Variants in NELL1 observed in about 807,000 individuals in gnomAD.
NELL1 encodes the protein protein kinase C-binding protein NELL1.
A neutral mutation model predicts 107.4 loss-of-function variants in NELL1; 76 were observed. The ratio of observed to expected loss-of-function variants is 0.71; its 90% CI spans 0.59 to 0.86. NELL1 has a LOEUF of 0.86. Among genes scored for constraint, NELL1 ranks in the 40% least tolerant of loss-of-function variants. The pLI, the probability that NELL1 is intolerant of heterozygous loss-of-function variation, is 0.00. For synonymous variants in NELL1, 353 were observed against 341.2 expected, an observed-to-expected ratio of 1.03 and a Z score of -0.38; for missense variants, 1,024 against 1,005.5, an observed-to-expected ratio of 1.02 and a Z score of -0.25.
At position 20,683,014 on chromosome 11, in the gene NELL1, C is replaced by T. The variant is rs538110330; in HGVS notation, c.184+4954C>T. Among the ~76,000 whole-genome samples, 32 of 152,124 alleles carry T rather than the reference C, an allele frequency of 2.1e-4. No individual in the cohort carries two copies. The South Asian group carries it at 6.6e-3, about 32-fold the overall frequency. On this transcript the variant is annotated intron_variant, in intron 2 of 19. Coordinates refer to ENST00000357134, the MANE Select transcript of NELL1 (RefSeq NM_006157.5). ...TTCATCAGCGTATTTAGACTATTTA[C>T]ATTTAATGTGATTATTGACATGATT...
intron 10 of NELL1, among the ~76,000 whole-genome samples, chr11:20,939,327 T>C (rs4923182): frequency 0.62 from 93,075 of 151,170 alleles, 30,898 homozygotes; most frequent in Non-Finnish European, 0.74. Flanking sequence ...TGAAATGATA[T>C]TGGGGGACTC....
chr11:20,994,556 A>C (rs1188347092), intron 12 of NELL1, among the ~76,000 whole-genome samples: 1 of 152,242 alleles, frequency 6.6e-6, no homozygotes, highest in East Asian at 1.9e-4. Context: ...AAGTTTTTTT[A>C]AGTTGGAAAA....
At chr11:21,551,132 GCTCT>G (rs1856572668) in intron 16 of NELL1, among the ~76,000 whole-genome samples, 1 of 151,116 alleles carries the variant, frequency 6.6e-6, no homozygotes, top group Non-Finnish European at 1.5e-5. Context: ...TCATGATTTG[GCTCT>G]CTGTTTGTCT....
At chr11:21,220,469 G>T (rs555532419) in intron 13 of NELL1, among the ~76,000 whole-genome samples, 53 of 152,072 alleles carry the variant, frequency 3.5e-4, no homozygotes, top group African/African-American at 1.3e-3. Flanking sequence ...TGAAGAGTAT[G>T]GTTTGTTTAA....
At chr11:21,045,411 T>C (rs1853331038) in intron 12 of NELL1, among the ~76,000 whole-genome samples, 1 of 152,160 alleles carries the variant, frequency 6.6e-6, no homozygotes, top group Non-Finnish European at 1.5e-5. Flanking sequence ...TGAGTGTTTT[T>C]CAAATTGTTC....
chr11:21,108,389 A>G (rs1855021355), intron 12 of NELL1, among the ~76,000 whole-genome samples: 1 of 152,154 alleles, frequency 6.6e-6, no homozygotes. Flanking sequence ...TTTACAGTCC[A>G]TAAGTACACC....
intron 12 of NELL1, among the ~76,000 whole-genome samples, chr11:21,005,852 A>G (rs1338822419): frequency 6.6e-6 from 1 of 152,118 alleles, no homozygotes; most frequent in African/African-American, 2.4e-5. Flanking sequence ...CCTTTTCAAA[A>G]TATTAGGAAC....
At chr11:21,223,467 A>G (rs1225400136) in intron 13 of NELL1, among the ~76,000 whole-genome samples, 2 of 152,064 alleles carry the variant, frequency 1.3e-5, no homozygotes, top group Non-Finnish European at 2.9e-5. Flanking sequence ...TACAGGCAAT[A>G]TTAGTTTCTT....
At chr11:21,011,752 G>A (rs1326891347) in intron 12 of NELL1, among the ~76,000 whole-genome samples, 1 of 152,138 alleles carries the variant, frequency 6.6e-6, no homozygotes, top group East Asian at 1.9e-4. Flanking sequence ...ACACTCATGT[G>A]TATAGTTAAT....
chr11:21,058,145 A>T (rs560213251), intron 12 of NELL1, among the ~76,000 whole-genome samples: 5 of 152,094 alleles, frequency 3.3e-5, no homozygotes, highest in Non-Finnish European at 7.4e-5. Flanking sequence ...ATAGAAAGAC[A>T]ATTGTATGGG....
intron 5 of NELL1, among the ~76,000 whole-genome samples, chr11:20,910,256 C>T (rs117387473): frequency 0.018 from 2,704 of 152,246 alleles, 36 homozygotes; most frequent in Non-Finnish European, 0.028. Flanking sequence ...TCACAAGACC[C>T]TTGAGGCCTA....
intron 14 of NELL1, among the ~76,000 whole-genome samples, chr11:21,269,932 T>A (rs1156484813): frequency 1.3e-5 from 2 of 152,094 alleles, no homozygotes; most frequent in Non-Finnish European, 2.9e-5. Flanking sequence ...CTTCTTTTGT[T>A]ATCATAAGGT....
chr11:20,732,531 G>GA (rs1188802093), intron 2 of NELL1, among the ~76,000 whole-genome samples: 5 of 152,178 alleles, frequency 3.3e-5, no homozygotes, highest in African/African-American at 1.2e-4. Flanking sequence ...CCCAGGTGGT[G>GA]AGTGCTGTTG....
intron 15 of NELL1, among the ~76,000 whole-genome samples, chr11:21,466,506 G>T (rs1025393838): frequency 8.5e-5 from 13 of 152,154 alleles, no homozygotes; most frequent in Non-Finnish European, 1.9e-4. Flanking sequence ...GTGCAAACAG[G>T]TATTTCCATT....
intron 12 of NELL1, among the ~76,000 whole-genome samples, chr11:20,990,237 T>C (rs980945690): frequency 1.3e-5 from 2 of 152,112 alleles, no homozygotes; most frequent in African/African-American, 4.8e-5. Flanking sequence ...CACGTGTCCC[T>C]AACAGGGAGA....
chr11:21,508,064 G>A (rs942106600), intron 15 of NELL1, among the ~76,000 whole-genome samples: 20 of 152,048 alleles, frequency 1.3e-4, no homozygotes, highest in African/African-American at 4.8e-4. Flanking sequence ...GATTACAGGT[G>A]TGAGCTACCA....
intron 12 of NELL1, among the ~76,000 whole-genome samples, chr11:21,083,317 TA>T (rs1475261859): frequency 1.3e-5 from 2 of 152,156 alleles, no homozygotes; most frequent in African/African-American, 4.8e-5. Context: ...TCAGAGGGTA[TA>T]GGGGTGTTTT....
intron 13 of NELL1, among the ~76,000 whole-genome samples, chr11:21,190,536 A>G (rs2133835211): frequency 6.6e-6 from 1 of 151,918 alleles, no homozygotes; most frequent in East Asian, 1.9e-4. Flanking sequence ...AGGAAGCTGC[A>G]GTGTCTATGC....
At chr11:21,226,959 T>C (rs1857909455) in intron 13 of NELL1, among the ~76,000 whole-genome samples, 1 of 152,152 alleles carries the variant, frequency 6.6e-6, no homozygotes. Context: ...CGTACATTTG[T>C]AGGACAGCAA....
Sources: gnomAD v4.1 joint callset for allele counts (sites outside exome capture counted in the v4.1 genomes callset) on GRCh38, gnomAD v4.1.1 for gene constraint, MANE v1.5 for transcripts, NCBI Gene and HGNC (gene_info 2026-07-23, HGNC 2026-07-21) for gene names.